DPH6: variants seen among roughly 807,000 people sequenced by gnomAD.
The protein encoded by DPH6 is diphthamine biosynthesis 6.
A neutral mutation model predicts 38.2 loss-of-function variants in DPH6; 33 were observed. The observed-to-expected ratio is 0.86, with a 90% confidence interval of 0.65 to 1.15. The LOEUF is 1.15. Ranked by LOEUF, DPH6 falls within the 50% of genes most tolerant of loss-of-function variation. DPH6 has a pLI of 0.00. For synonymous variants in DPH6, 108 were observed against 103.0 expected (o/e 1.05, Z -0.30); for missense variants, 325 against 320.0 (o/e 1.02, Z -0.12).
intron 3 of DPH6, chr15:35,237,496 T>G: frequency 6.4e-7 from 1 of 1,570,182 alleles, no homozygotes. Flanking sequence ...TCACCTCAAC[T>G]GCAAACTTAC....
the DPH6 span, among the ~76,000 whole-genome samples, chr15:35,184,751 T>C: frequency 6.6e-6 from 1 of 152,136 alleles, no homozygotes; most frequent in African/African-American, 2.4e-5. Flanking sequence ...TTTTTCAAAC[T>C]CAGTAGGTTA....
chr15:35,538,539 G>T (rs1348140964), intron 2 of DPH6, 72 bp from the exon 3 acceptor site: 3 of 1,314,510 alleles, frequency 2.3e-6, no homozygotes, highest in Non-Finnish European at 3.0e-6. Context: ...GCCCATCCAG[G>T]TTTTACTGCT....
chr15:35,523,299 A>T (rs1308979135), intron 3 of DPH6, among the ~76,000 whole-genome samples: 2 of 127,062 alleles, frequency 1.6e-5, no homozygotes, highest in African/African-American at 6.1e-5. Context: ...GCCTGTTCAT[A>T]TCCTTAGCCC....
intron 5 of DPH6, among the ~76,000 whole-genome samples, chr15:35,436,044 C>T (rs1172046671): frequency 1.3e-5 from 2 of 152,030 alleles, no homozygotes; most frequent in Non-Finnish European, 2.9e-5. Context: ...ATAGCTGCTG[C>T]CCTGGCCCCA....
At chr15:35,333,274 G>A (rs1486898978) in intron 3 of DPH6, among the ~76,000 whole-genome samples, 1 of 152,140 alleles carries the variant, frequency 6.6e-6, no homozygotes, top group Non-Finnish European at 1.5e-5. Context: ...AAGTCACACA[G>A]CAATGATACG....
chr15:35,184,602 C>T, the DPH6 span, among the ~76,000 whole-genome samples: 1 of 152,054 alleles, frequency 6.6e-6, no homozygotes, highest in Non-Finnish European at 1.5e-5. Flanking sequence ...ATTCCTTGAT[C>T]CATTTTCCAT....
chr15:35,320,120 T>C (rs950977071), intron 3 of DPH6, among the ~76,000 whole-genome samples: 2 of 151,342 alleles, frequency 1.3e-5, no homozygotes, highest in Non-Finnish European at 3.0e-5. Flanking sequence ...TTTTCATGGC[T>C]TTTTTTTTCA....
chr15:35,542,331 T>C, intron 2 of DPH6, 82 bp downstream of exon 2: 1 of 1,165,002 alleles, frequency 8.6e-7, no homozygotes, highest in East Asian at 2.4e-5. Flanking sequence ...TTTTCATCTT[T>C]GTACGGTATA....
At chr15:35,232,871 GAATGCA>G (rs1419003833) in intron 3 of DPH6, among the ~76,000 whole-genome samples, 1 of 152,166 alleles carries the variant, frequency 6.6e-6, no homozygotes, top group Non-Finnish European at 1.5e-5. Flanking sequence ...AGTTGCAAGA[GAATGCA>G]AAGACATTTG....
chr15:35,482,609 A>G (rs1389154515), intron 3 of DPH6, among the ~76,000 whole-genome samples: 2 of 152,208 alleles, frequency 1.3e-5, no homozygotes, highest in Non-Finnish European at 2.9e-5. Flanking sequence ...AGGCAATTCA[A>G]TGGGGAAAGG....
chr15:35,448,033 A>T (rs2053879387), intron 5 of DPH6, among the ~76,000 whole-genome samples: 1 of 152,206 alleles, frequency 6.6e-6, no homozygotes, highest in Admixed American at 6.5e-5. Context: ...ATATCTTTCA[A>T]GAAACAGGAG....
chr15:35,510,398 GA>G (rs1392698517), intron 3 of DPH6, among the ~76,000 whole-genome samples: 6 of 152,072 alleles, frequency 3.9e-5, no homozygotes, highest in African/African-American at 1.4e-4. Context: ...TTTTGTATAG[GA>G]AATTATGGAT....
chr15:35,163,866 A>C, the DPH6 span, among the ~76,000 whole-genome samples: 2 of 151,800 alleles, frequency 1.3e-5, no homozygotes, highest in Non-Finnish European at 2.9e-5. Flanking sequence ...GTGGGAACAT[A>C]AACTGGTAAT....
At chr15:35,272,649 C>T (rs997918087) in intron 3 of DPH6, among the ~76,000 whole-genome samples, 3 of 152,092 alleles carry the variant, frequency 2.0e-5, no homozygotes, top group Admixed American at 6.6e-5. Flanking sequence ...TGGCTCACAC[C>T]TGTAATCCTA....
chr15:35,539,790 TGC>T (rs2055224892), intron 2 of DPH6, among the ~76,000 whole-genome samples: 1 of 152,026 alleles, frequency 6.6e-6, no homozygotes, highest in African/African-American at 2.4e-5. Context: ...AAAGTGATAG[TGC>T]AAGGGCCCCT....
At chr15:35,292,754 G>GA (rs1250973500) in intron 3 of DPH6, among the ~76,000 whole-genome samples, 4 of 152,120 alleles carry the variant, frequency 2.6e-5, no homozygotes, top group Non-Finnish European at 5.9e-5. Context: ...CTACTTTTTA[G>GA]AAAATGTACT....
intron 6 of DPH6, among the ~76,000 whole-genome samples, chr15:35,404,654 T>C (rs2053266610): frequency 1.3e-5 from 2 of 152,160 alleles, no homozygotes; most frequent in Non-Finnish European, 2.9e-5. Flanking sequence ...AGTCTGCAAA[T>C]ATTTTGTCCC....
intron 3 of DPH6, among the ~76,000 whole-genome samples, chr15:35,220,807 G>A (rs2051437571): frequency 6.6e-6 from 1 of 151,994 alleles, no homozygotes; most frequent in Non-Finnish European, 1.5e-5. Flanking sequence ...ACAAGGGGCA[G>A]TATTGAAAAA....
chr15:35,379,967 A>C (rs2052842270), intron 7 of DPH6, among the ~76,000 whole-genome samples: 1 of 152,212 alleles, frequency 6.6e-6, no homozygotes, highest in South Asian at 2.1e-4. Context: ...TCACAAAAGA[A>C]AAGTATGAAG....
Sources: allele counts gnomAD v4.1 joint callset (sites outside exome capture counted in the v4.1 genomes callset), GRCh38; gene constraint gnomAD v4.1.1; transcripts MANE v1.5; gene names NCBI Gene and HGNC (gene_info 2026-07-23, HGNC 2026-07-21).